COL6A2: variants seen among roughly 807,000 people sequenced by gnomAD.
COL6A2 encodes the protein collagen alpha-2(VI) chain.
In COL6A2, 90 loss-of-function variants were observed where a neutral mutation model predicts 124.9. The ratio of observed to expected loss-of-function variants is 0.72; its 90% CI spans 0.61 to 0.86. The LOEUF is 0.86. COL6A2 is among the 40% of genes least tolerant of loss of function. The probability of loss-of-function intolerance (pLI) is 0.00; values close to 1 mark genes in which losing one functional copy is unlikely to be tolerated. For missense variants in COL6A2, 1,607 were observed against 1,502.5 expected (o/e 1.07, Z -1.15); for synonymous variants, 793 against 618.2 (o/e 1.28, Z -4.19).
chr21:46,122,370 C>A (rs2078580318), intron 19 of COL6A2, 126 bp from the exon 20 acceptor site: 3 of 1,371,814 alleles, frequency 2.2e-6, no homozygotes, highest in Non-Finnish European at 3.1e-6. Flanking sequence ...CAGAACGCAG[C>A]ACAGTGGCCT....
intron 27 of COL6A2, among the ~76,000 whole-genome samples, chr21:46,127,550 A>C (rs2078691671): frequency 3.3e-5 from 5 of 152,148 alleles, no homozygotes; most frequent in African/African-American, 1.2e-4. Context: ...TCTGCCGCCA[A>C]GGTGCAGGCG....
intron 11 of COL6A2, among the ~76,000 whole-genome samples, 187 bp from the exon 12 acceptor site, chr21:46,117,687 G>T (rs1358778870): frequency 1.3e-5 from 2 of 152,162 alleles, no homozygotes; most frequent in African/African-American, 4.8e-5. Context: ...CCAAACTTCG[G>T]TGTCACTGGA....
chr21:46,111,826 G>C, intron 2 of COL6A2, among the ~76,000 whole-genome samples, 153 bp from the exon 3 acceptor site: 1 of 122,312 alleles, frequency 8.2e-6, no homozygotes, highest in Non-Finnish European at 1.8e-5. Context: ...GGGGCAGTTG[G>C]GACCAGTACC....
At chr21:46,130,398 G>A (rs970570924) in intron 27 of COL6A2, among the ~76,000 whole-genome samples, 2 of 151,960 alleles carry the variant, frequency 1.3e-5, no homozygotes, top group African/African-American at 4.8e-5. Flanking sequence ...TGACCCCGAC[G>A]TTCTGACTGC....
intron 1 of COL6A2, among the ~76,000 whole-genome samples, chr21:46,100,718 C>T (rs1601200776): frequency 6.6e-6 from 1 of 152,196 alleles, no homozygotes; most frequent in East Asian, 1.9e-4. Context: ...CACACTGTAA[C>T]GTATGTCAGC....
intron 1 of COL6A2, among the ~76,000 whole-genome samples, chr21:46,098,473 G>A (rs2078250348): frequency 1.3e-5 from 2 of 151,622 alleles, no homozygotes; most frequent in African/African-American, 4.8e-5. Flanking sequence ...GTCCCTGTCT[G>A]CGCCCGAGCT....
chr21:46,114,447 A>C (rs1443207217), intron 5 of COL6A2, among the ~76,000 whole-genome samples: 2 of 151,794 alleles, frequency 1.3e-5, no homozygotes, highest in African/African-American at 4.8e-5. Flanking sequence ...AAAAGAAAAG[A>C]AAGCCACATT....
chr21:46,121,164 G>A (rs373023119), intron 17 of COL6A2, 41 bp downstream of exon 17: 29 of 1,589,946 alleles, frequency 1.8e-5, no homozygotes, highest in Middle Eastern at 3.3e-4. Context: ...CTGACCCCAC[G>A]GGTGGGTCTC....
intron 10 of COL6A2, among the ~76,000 whole-genome samples, chr21:46,117,162 G>A (rs1300617592): frequency 1.3e-5 from 2 of 152,196 alleles, no homozygotes; most frequent in African/African-American, 2.4e-5. Flanking sequence ...TGTGCCCAGG[G>A]AGCTCTGCCC....
rs373274913 is a variant in COL6A2 at position 46,132,288 on chromosome 21, G to T, written c.2796G>T (p.Pro932=). ...CCATCAATGCCATCGTGCGCAGCCC[G>T]CGTGGCGGGGCCCGGAGGCACGCAG... The part of the protein sequence containing the change: ...VHAINAIVRS[P]RGGARRHAEL... The change falls in exon 28 of 28, where the codon CCG becomes CCT. Residue 932 remains proline (P), a synonymous_variant. Coordinates refer to ENST00000300527, the MANE Select transcript of COL6A2 (RefSeq NM_001849.4). The T allele has an allele frequency of 7.5e-6, 12 of 1,606,430 alleles. No homozygotes were observed. Among genetic ancestry groups the T allele is most frequent in the Non-Finnish European group, 1.0e-5 (12 of 1,179,222 alleles).
chr21:46,118,954 A>G (rs1428567757), intron 13 of COL6A2, 76 bp from the exon 14 acceptor site: 4 of 1,210,850 alleles, frequency 3.3e-6, no homozygotes, highest in Middle Eastern at 1.9e-4. Flanking sequence ...GGGGCTCCAC[A>G]CCACACACCG....
chr21:46,118,257 C>G (rs1222054621), intron 12 of COL6A2, among the ~76,000 whole-genome samples: 1 of 152,148 alleles, frequency 6.6e-6, no homozygotes, highest in Non-Finnish European at 1.5e-5. Flanking sequence ...GCTCTGCCCT[C>G]CTGGGCCGCC....
At chr21:46,129,557 G>A (rs963996924) in intron 27 of COL6A2, 47 of 1,477,374 alleles carry the variant, frequency 3.2e-5, no homozygotes, top group East Asian at 1.2e-4. Context: ...GGCTGCCCCC[G>A]ACAGGCTGGC....
Position 46,131,799 on chromosome 21 carries a change from C to CA in COL6A2, c.2462-154dup, listed in dbSNP as rs1476310045. Among the ~76,000 whole-genome samples, 3 of 152,166 alleles carry CA rather than the reference C, an allele frequency of 2.0e-5. 1 individual carries two copies. On this transcript the variant is annotated intron_variant, in intron 27 of 27. Transcript: ENST00000300527. ...GAAAGTGTCTTGGGCTAAGGACCCA[C>CA]ACCCAGGGCTGCCCTGCAGAAACGC...
chr21:46,101,074 G>A (rs994992805), intron 1 of COL6A2, among the ~76,000 whole-genome samples: 6 of 152,104 alleles, frequency 3.9e-5, no homozygotes, highest in African/African-American at 1.2e-4. Context: ...TTCCGGGTTC[G>A]CTTGGTTTTT....
At chr21:46,117,305 T>G in intron 10 of COL6A2, 95 bp from the exon 11 acceptor site, 1 of 1,277,682 alleles carries the variant, frequency 7.8e-7, no homozygotes, top group Non-Finnish European at 1.1e-6. Flanking sequence ...GCTGCAGCCC[T>G]GCGGGGCAGA....
Position 46,104,149 on chromosome 21 carries a change from A to C in COL6A2, c.-28+5976A>C, listed in dbSNP as rs147717033. ...AGATTTTGATTTCACAAGGCATACA[A>C]AGAAACTTTCCTATTTCAAAGGAAA... On this transcript the variant is annotated intron_variant, in intron 1 of 27. Coordinates refer to ENST00000300527, the MANE Select transcript of COL6A2 (RefSeq NM_001849.4). Among the ~76,000 whole-genome samples, 1,398 of 142,642 alleles carry C rather than the reference A, an allele frequency of 9.8e-3. 24 individuals are homozygous for C. The highest frequency in any genetic ancestry group is 0.033 in the African/African-American group (1,319 of 40,320). The allele number at this position is 142,642 out of a possible 152,430, so 93.6% of individuals were successfully genotyped here. A position where few individuals can be genotyped will look rare whatever the true frequency, so the allele number is the denominator to read the frequency against.
chr21:46,123,538 AATGGATGG>A (rs1229825287), intron 21 of COL6A2, among the ~76,000 whole-genome samples: 3 of 151,072 alleles, frequency 2.0e-5, no homozygotes, highest in South Asian at 2.1e-4. Flanking sequence ...GGGGTGGGCA[AATGGATGG>A]ATGGGAGGAT....
In COL6A2 at chr21:46,132,294, C is replaced by G; in HGVS notation, c.2802C>G (p.Gly934=). The G allele has an allele frequency of 6.2e-7, 1 of 1,605,970 alleles. No homozygotes were observed. The highest frequency in any genetic ancestry group is 8.5e-7 in the Non-Finnish European group (1 of 1,179,180). ...ATGCCATCGTGCGCAGCCCGCGTGG[C>G]GGGGCCCGGAGGCACGCAGAGCTGT... is the stretch of plus-strand genomic sequence containing the variant. ...AINAIVRSPR[G]GARRHAELSF... is the part of the protein sequence containing the mutation. Residue 934 remains glycine (G), a synonymous_variant, in exon 28 of 28, where the codon GGC becomes GGG. Coordinates refer to ENST00000300527, the MANE Select transcript of COL6A2 (RefSeq NM_001849.4).
Sources: gnomAD v4.1 joint callset for allele counts (sites outside exome capture counted in the v4.1 genomes callset) on GRCh38, gnomAD v4.1.1 for gene constraint, MANE v1.5 for transcripts, NCBI Gene and HGNC (gene_info 2026-07-23, HGNC 2026-07-21) for gene names.